Variants in N4BP2L2 observed in about 807,000 individuals in gnomAD.
The protein encoded by N4BP2L2 is NEDD4 binding protein 2 like 2.
Under a neutral mutation model 56.2 loss-of-function variants are expected in N4BP2L2, and 50 were observed. The ratio of observed to expected loss-of-function variants is 0.89; its 90% CI spans 0.71 to 1.13. N4BP2L2 has a LOEUF of 1.13. Among genes scored for constraint, N4BP2L2 ranks in the 50% most tolerant of loss-of-function variants. The pLI, the probability that N4BP2L2 is intolerant of heterozygous loss-of-function variation, is 0.00. For synonymous variants in N4BP2L2, 203 were observed against 223.6 expected, an observed-to-expected ratio of 0.91 and a Z score of 0.82; for missense variants, 689 against 693.8, an observed-to-expected ratio of 0.99 and a Z score of 0.08.
chr13:32,512,464 C>T (rs2048333334), exon 6 of N4BP2L2: 1 of 152,102 alleles, frequency 6.6e-6, no homozygotes, highest in African/African-American at 2.4e-5. Context: ...TAACATATTC[C>T]ATTCTGGGAA....
At chr13:32,453,670 T>C (rs534088256) in intron 6 of N4BP2L2, among the ~76,000 whole-genome samples, 2 of 152,186 alleles carry the variant, frequency 1.3e-5, no homozygotes, top group Non-Finnish European at 2.9e-5. Context: ...TGTTTTTTAC[T>C]TACTCTGGCC....
At chr13:32,522,064 C>A in intron 4 of N4BP2L2, 118 bp downstream of exon 4, 2 of 678,062 alleles carry the variant, frequency 2.9e-6, no homozygotes, top group Non-Finnish European at 5.0e-6. Context: ...ACCAACAAAC[C>A]TCTTTAGAAA....
Position 32,465,235 on chromosome 13 carries a change from G to A in N4BP2L2, c.366-21109C>T, listed in dbSNP as rs146921909. Among the ~76,000 whole-genome samples the A allele has an allele frequency of 2.2e-4, 33 of 152,250 alleles. 1 individual carries two copies. The highest frequency in any genetic ancestry group is 5.8e-4 in the African/African-American group (24 of 41,550). ...TGGCCTCAGCCTCCCAAAGTGCTGG[G>A]ATTACAGGTGTGAGGCACTGTGCCC... On this transcript the variant is annotated intron_variant, in intron 6 of 9. Transcript: ENST00000357505.
exon 1 of N4BP2L2, chr13:32,538,764 G>GT (rs1386580631): frequency 1.0e-6 from 1 of 985,310 alleles, no homozygotes; most frequent in East Asian, 1.1e-4. Context: ...CAGAATCGCG[G>GT]TAACAAACCT....
intron 6 of N4BP2L2, among the ~76,000 whole-genome samples, chr13:32,452,078 T>G (rs538202819): frequency 0.059 from 8,518 of 145,302 alleles, 821 homozygotes; most frequent in African/African-American, 0.21. Flanking sequence ...TTTTTTTTTT[T>G]GGGATGGAGT....
chr13:32,533,412 G>C (rs1265796548), intron 2 of N4BP2L2, among the ~76,000 whole-genome samples: 3 of 151,524 alleles, frequency 2.0e-5, no homozygotes, highest in African/African-American at 7.3e-5. Context: ...TGTGGGCAAA[G>C]ACCAAATTAA....
chr13:32,511,896 C>G (rs1004346621), exon 6 of N4BP2L2: 1 of 151,976 alleles, frequency 6.6e-6, no homozygotes, highest in Non-Finnish European at 1.5e-5. Flanking sequence ...CAATCCCTTC[C>G]TGAGTAAATT....
At chr13:32,468,732 C>T (rs1234044664) in intron 6 of N4BP2L2, among the ~76,000 whole-genome samples, 1 of 152,170 alleles carries the variant, frequency 6.6e-6, no homozygotes, top group Non-Finnish European at 1.5e-5. Flanking sequence ...ATACTGGGCT[C>T]GGAGCCACTA....
chr13:32,526,929 T>C (rs1434444232), intron 3 of N4BP2L2: 1 of 144,126 alleles, frequency 6.9e-6, no homozygotes, highest in Non-Finnish European at 1.5e-5. Flanking sequence ...AATTGACCCA[T>C]GTCCGCTAAA....
intron 6 of N4BP2L2, among the ~76,000 whole-genome samples, chr13:32,466,558 A>T (rs757529569): frequency 1.4e-4 from 21 of 152,080 alleles, no homozygotes; most frequent in Non-Finnish European, 2.9e-4. Flanking sequence ...AAAAGAAAAA[A>T]AAGAACCTAG....
intron 7 of N4BP2L2, among the ~76,000 whole-genome samples, chr13:32,440,452 T>C (rs929146246): frequency 1.3e-4 from 20 of 152,234 alleles, no homozygotes; most frequent in Non-Finnish European, 5.9e-5. Flanking sequence ...CATTATCTTA[T>C]ATATGCTTAT....
chr13:32,474,204 T>C (rs1212957148), intron 6 of N4BP2L2, among the ~76,000 whole-genome samples: 3 of 152,076 alleles, frequency 2.0e-5, no homozygotes, highest in South Asian at 2.1e-4. Context: ...TATATACATA[T>C]ATCTATAAAG....
chr13:32,470,005 T>C (rs909851758), intron 6 of N4BP2L2, among the ~76,000 whole-genome samples: 2 of 152,318 alleles, frequency 1.3e-5, no homozygotes, highest in African/African-American at 4.8e-5. Flanking sequence ...TATAAGTTTC[T>C]GGGTGGGGCT....
intron 6 of N4BP2L2, among the ~76,000 whole-genome samples, chr13:32,467,416 C>A (rs1407774279): frequency 6.6e-6 from 1 of 151,832 alleles, no homozygotes. Flanking sequence ...CACCACCATG[C>A]CCAGCTAATT....
chr13:32,535,640 G>A (rs1179724049), intron 2 of N4BP2L2, 129 bp downstream of exon 2: 4 of 938,118 alleles, frequency 4.3e-6, no homozygotes, highest in Non-Finnish European at 6.3e-6. Context: ...CTGAGCTCAA[G>A]TGACTGGTCC....
chr13:32,496,102 A>ATTT, intron 6 of N4BP2L2, among the ~76,000 whole-genome samples: 1 of 152,208 alleles, frequency 6.6e-6, no homozygotes, highest in Non-Finnish European at 1.5e-5. Flanking sequence ...GCAGCCAGGA[A>ATTT]GGGCAATGTG....
intron 6 of N4BP2L2, chr13:32,480,765 T>C: frequency 4.3e-6 from 2 of 466,744 alleles, no homozygotes; most frequent in Non-Finnish European, 7.1e-6. Flanking sequence ...ACTCATAGAG[T>C]GTGATTTCTC....
chr13:32,521,690 A>C (rs541064615), intron 4 of N4BP2L2: 46 of 387,810 alleles, frequency 1.2e-4, no homozygotes, highest in South Asian at 6.2e-4. Flanking sequence ...TCAAAACAAT[A>C]TGAGGCTGGG....
intron 6 of N4BP2L2, among the ~76,000 whole-genome samples, chr13:32,493,329 T>C (rs540162738): frequency 6.6e-6 from 1 of 152,240 alleles, no homozygotes; most frequent in African/African-American, 2.4e-5. Flanking sequence ...TATTTGTGTA[T>C]CATTATGTTG....
Sources: gnomAD v4.1 joint callset for allele counts (sites outside exome capture counted in the v4.1 genomes callset) on GRCh38, gnomAD v4.1.1 for gene constraint, MANE v1.5 for transcripts, NCBI Gene and HGNC (gene_info 2026-07-23, HGNC 2026-07-21) for gene names.